The following WIPI2 variants were observed in gnomAD, a reference collection of about 807,000 sequenced individuals.
WIPI2 encodes WD repeat domain phosphoinositide-interacting protein 2.
Under a neutral mutation model 52.3 loss-of-function variants are expected in WIPI2, and 28 were observed. The observed-to-expected ratio is 0.54, with a 90% CI of 0.40 to 0.73. The LOEUF (loss-of-function observed/expected upper bound fraction) is 0.73, where lower values mean the gene tolerates loss of function less well. Among genes scored for constraint, WIPI2 ranks in the 30% least tolerant of loss-of-function variants. The pLI is 0.00. For missense variants in WIPI2, 506 were observed against 602.9 expected (o/e 0.84, Z 1.68); for synonymous variants, 268 against 245.0 (o/e 1.09, Z -0.88).
In WIPI2 at chr7:5,231,552, A is replaced by T. The variant is rs893784785; in HGVS notation, c.*605A>T. 5.9e-5 allele frequency: 9 copies of T among 152,190 alleles called. No individual in the cohort carries two copies. Among genetic ancestry groups the T allele is most frequent in the Admixed American group, 5.2e-4 (8 of 15,264 alleles). 9.4% of individuals were successfully genotyped at this position (152,190 alleles called of 1,614,324 possible). A position where few individuals can be genotyped will look rare whatever the true frequency, so the allele number is the denominator to read the frequency against. On this transcript the variant is annotated 3_prime_UTR_variant, in exon 13 of 13. Transcript: ENST00000288828. ...CGCTCTGGGATTTCTTCCATGGTGG[A>T]CTTTTGTTTCTGATCTTGTTTTCCC...
chr7:5,190,645 C>T, intron 1 of WIPI2, 152 bp downstream of exon 1: 3 of 715,024 alleles, frequency 4.2e-6, no homozygotes, highest in East Asian at 3.7e-5. Context: ...GGGCCCGGGG[C>T]GTGCAGGGAG....
rs1412811492 is a variant in WIPI2 at position 5,192,992 on chromosome 7, G to T, written c.75-126G>T. 2.4e-5 allele frequency: 20 copies of T among 847,938 alleles called. No individual in the cohort carries two copies. In the East Asian group the frequency reaches 4.8e-4, roughly 21 times the overall value. 52.5% of individuals were successfully genotyped at this position (847,938 alleles called of 1,614,324 possible). ...TTACATACCAAACTATAACTGTCCT[G>T]CCTTTCTTTACTGGTAATATGATTT... On this transcript the variant is annotated intron_variant, in intron 1 of 12. Coordinates refer to ENST00000288828, the MANE Select transcript of WIPI2 (RefSeq NM_015610.4).
At position 5,231,546 on chromosome 7, in the gene WIPI2, T is replaced by TG. The variant is rs1299617151; in HGVS notation, c.*601dup. 6.6e-6 allele frequency: 1 copy of TG among 152,294 alleles called. No individual in the cohort carries two copies. The highest frequency in any genetic ancestry group is 2.4e-5 in the African/African-American group (1 of 41,440). The allele number at this position is 152,294 out of a possible 1,614,324, so 9.4% of individuals were successfully genotyped here. On this transcript the variant is annotated 3_prime_UTR_variant, in exon 13 of 13. Transcript: ENST00000288828. Reference sequence around the variant, plus strand: ...TTGGATCGCTCTGGGATTTCTTCCATGGTGGACTTTTGTTTCTGATCTTGT... The same window carrying TG: ...TTGGATCGCTCTGGGATTTCTTCCATGGGTGGACTTTTGTTTCTGATCTTGT...
chr7:5,203,728 A>G (rs1782148574), intron 3 of WIPI2, among the ~76,000 whole-genome samples: 1 of 139,120 alleles, frequency 7.2e-6, no homozygotes, highest in Non-Finnish European at 1.5e-5. Context: ...CGCCTCCCGG[A>G]TTCGCGCCAT....
In WIPI2 at chr7:5,204,679, A is replaced by G. The variant is rs887895404; in HGVS notation, c.211+5021A>G. Among the ~76,000 whole-genome samples, 4 of 151,302 alleles carry G rather than the reference A, an allele frequency of 2.6e-5. No individual in the cohort carries two copies. The South Asian group carries it at 6.3e-4, about 24-fold the overall frequency. ...ATCCTTTTGTGTTATGGCTGTTACC[A>G]CTACTACTACTACTGCGTTTTTTTT... On this transcript the variant is annotated intron_variant, in intron 3 of 12. Transcript: ENST00000288828.
At chr7:5,200,536 A>T (rs1315938861) in intron 3 of WIPI2, among the ~76,000 whole-genome samples, 1 of 145,780 alleles carries the variant, frequency 6.9e-6, no homozygotes, top group African/African-American at 2.5e-5. Context: ...GTGTGTGCGT[A>T]GGTTCTGTGC....
intron 3 of WIPI2, among the ~76,000 whole-genome samples, chr7:5,204,695 C>CA (rs1782206536): frequency 6.6e-6 from 1 of 150,876 alleles, no homozygotes; most frequent in Non-Finnish European, 1.5e-5. Flanking sequence ...ACTACTACTG[C>CA]GTTTTTTTTT....
intron 8 of WIPI2, among the ~76,000 whole-genome samples, chr7:5,225,504 T>G (rs181101823): frequency 7.4e-4 from 113 of 152,328 alleles, no homozygotes; most frequent in African/African-American, 2.6e-3. Context: ...AAAGAATGGC[T>G]GTAACTTAAA....
chr7:5,198,348 C>G (rs1295359417), intron 2 of WIPI2, among the ~76,000 whole-genome samples: 3 of 150,716 alleles, frequency 2.0e-5, no homozygotes, highest in Non-Finnish European at 4.4e-5. Context: ...GAGTCTCGCT[C>G]TATCACCCAG....
At position 5,233,493 on chromosome 7, in the gene WIPI2, T is replaced by C. The variant is rs560957921; in HGVS notation, c.*2546T>C. 1 of 152,706 alleles carries C rather than the reference T, an allele frequency of 6.5e-6. No homozygotes were observed. Among genetic ancestry groups the C allele is most frequent in the Non-Finnish European group, 1.5e-5 (1 of 68,046 alleles). The allele number at this position is 152,706 out of a possible 1,614,324, so 9.5% of individuals were successfully genotyped here. Reference sequence around the variant, plus strand: ...TTTTTCCAAACTTCAAAAAGGACGATGAGCGTGGGGGATAGGAAACAAAAC... The same window carrying C: ...TTTTTCCAAACTTCAAAAAGGACGACGAGCGTGGGGGATAGGAAACAAAAC... On this transcript the variant is annotated 3_prime_UTR_variant, in exon 13 of 13. Coordinates refer to ENST00000288828, the MANE Select transcript of WIPI2 (RefSeq NM_015610.4).
intron 3 of WIPI2, among the ~76,000 whole-genome samples, chr7:5,207,084 G>A (rs1782330148): frequency 1.3e-5 from 2 of 152,102 alleles, no homozygotes; most frequent in Admixed American, 1.3e-4. Flanking sequence ...TATTTTGTGT[G>A]TGTGTGTGCA....
chr7:5,226,034 G>A (rs914168364), intron 9 of WIPI2, 104 bp downstream of exon 9: 77 of 1,158,296 alleles, frequency 6.6e-5, no homozygotes, highest in Admixed American at 5.1e-4. Context: ...CTCTGACATC[G>A]TTAGCCAGTG....
chr7:5,214,352 C>T, intron 3 of WIPI2, 183 bp from the exon 4 acceptor site: 1 of 1,586,272 alleles, frequency 6.3e-7, no homozygotes, highest in South Asian at 1.1e-5. Flanking sequence ...TCCTGAGGCT[C>T]CAGCGAATCA....
intron 3 of WIPI2, among the ~76,000 whole-genome samples, chr7:5,212,746 G>A (rs1193929939): frequency 6.6e-6 from 1 of 152,194 alleles, no homozygotes; most frequent in Non-Finnish European, 1.5e-5. Context: ...TCGAATTCCT[G>A]CCCTCAAGCA....
chr7:5,229,739 G>A lies in WIPI2; in HGVS notation c.1252+1G>A. Reference sequence around the variant, plus strand: ...GTGCCTTCATCCCCAACGAGACTTGGTAAGGGGCGTGACGCAAACCTGGAA... The same window carrying A: ...GTGCCTTCATCCCCAACGAGACTTGATAAGGGGCGTGACGCAAACCTGGAA... On this transcript the variant is annotated splice_donor_variant, in intron 12 of 12. Coordinates refer to ENST00000288828, the MANE Select transcript of WIPI2 (RefSeq NM_015610.4). LOFTEE classifies it high-confidence loss of function. The A allele has an allele frequency of 6.2e-7, 1 of 1,613,612 alleles. No homozygotes were observed. Among genetic ancestry groups the A allele is most frequent in the South Asian group, 1.1e-5 (1 of 91,042 alleles).
At chr7:5,226,204 T>G in intron 9 of WIPI2, 1 of 424,668 alleles carries the variant, frequency 2.4e-6, no homozygotes, top group Non-Finnish European at 4.3e-6. Flanking sequence ...CTTTTGTCAG[T>G]GAAGATGGCC....
At chr7:5,212,173 A>G (rs1468026105) in intron 3 of WIPI2, among the ~76,000 whole-genome samples, 5 of 152,134 alleles carry the variant, frequency 3.3e-5, no homozygotes, top group African/African-American at 4.8e-5. Context: ...CTCCTCGTCT[A>G]TGACAGGCGA....
chr7:5,206,476 T>C (rs1782300656), intron 3 of WIPI2, among the ~76,000 whole-genome samples: 1 of 152,232 alleles, frequency 6.6e-6, no homozygotes, highest in Non-Finnish European at 1.5e-5. Context: ...CTTTTCTGCC[T>C]TCATCCTCCC....
intron 3 of WIPI2, among the ~76,000 whole-genome samples, chr7:5,209,353 C>G (rs1229087576): frequency 1.3e-5 from 2 of 152,088 alleles, no homozygotes; most frequent in African/African-American, 4.8e-5. Context: ...GGTATCCTTG[C>G]CTTGTTTCTA....
Sources: gnomAD v4.1 joint callset for allele counts (sites outside exome capture counted in the v4.1 genomes callset) on GRCh38, gnomAD v4.1.1 for gene constraint, MANE v1.5 for transcripts, NCBI Gene and HGNC (gene_info 2026-07-23, HGNC 2026-07-21) for gene names.